Variants in SFI1 observed in about 807,000 individuals in gnomAD.
SFI1 encodes the protein protein SFI1 homolog.
A neutral mutation model predicts 207.5 loss-of-function variants in SFI1; 195 were observed. The observed-to-expected ratio is 0.94, with a 90% CI of 0.84 to 1.06. The LOEUF is 1.06. Ranked by LOEUF, SFI1 falls within the 50% of genes least tolerant of loss-of-function variation. SFI1 has a pLI of 0.00. For synonymous variants in SFI1, 630 were observed against 598.9 expected, an observed-to-expected ratio of 1.05 and a Z score of -0.76; for missense variants, 1,634 against 1,588.0, an observed-to-expected ratio of 1.03 and a Z score of -0.49.
chr22:31,553,656 A>G (rs2060842882), intron 6 of SFI1, among the ~76,000 whole-genome samples: 1 of 149,724 alleles, frequency 6.7e-6, no homozygotes, highest in Non-Finnish European at 1.5e-5. Flanking sequence ...CACAGGGGTG[A>G]GCCACCAAGC....
intron 4 of SFI1, among the ~76,000 whole-genome samples, chr22:31,540,686 G>A (rs1025187406): frequency 2.6e-5 from 4 of 151,496 alleles, no homozygotes; most frequent in Non-Finnish European, 4.4e-5. Context: ...GTTCATGCGA[G>A]TTGCCTGCTT....
chr22:31,552,850 T>TC (rs1312992836), intron 6 of SFI1, among the ~76,000 whole-genome samples: 1 of 150,648 alleles, frequency 6.6e-6, no homozygotes, highest in African/African-American at 2.4e-5. Context: ...ATTAAACTTT[T>TC]TTTTTTTAAA....
At chr22:31,552,841 T>C (rs577580023) in intron 6 of SFI1, among the ~76,000 whole-genome samples, 1 of 151,572 alleles carries the variant, frequency 6.6e-6, no homozygotes, top group South Asian at 2.1e-4. Flanking sequence ...ACATCTGTTA[T>C]TAAACTTTTT....
At chr22:31,518,679 A>T (rs2056839185) in intron 2 of SFI1, among the ~76,000 whole-genome samples, 1 of 152,130 alleles carries the variant, frequency 6.6e-6, no homozygotes, top group African/African-American at 2.4e-5. Flanking sequence ...TGGTGTCTGG[A>T]AACTTAGATT....
chr22:31,614,552 G>T, intron 27 of SFI1: 1 of 688,996 alleles, frequency 1.5e-6, no homozygotes, highest in Non-Finnish European at 2.7e-6. Flanking sequence ...GCGTCACCAG[G>T]GTTGTTCTGC....
chr22:31,525,666 G>A (rs951137381), intron 2 of SFI1, among the ~76,000 whole-genome samples: 1 of 152,088 alleles, frequency 6.6e-6, no homozygotes, highest in African/African-American at 2.4e-5. Flanking sequence ...GCAGTGAGCC[G>A]TGATTGCATC....
intron 10 of SFI1, among the ~76,000 whole-genome samples, chr22:31,576,149 C>T (rs1369258923): frequency 3.3e-5 from 5 of 151,322 alleles, no homozygotes; most frequent in African/African-American, 7.3e-5. Flanking sequence ...CTTAGCCTCA[C>T]GAGTAGCTGG....
intron 2 of SFI1, 47 bp from the exon 3 acceptor site, chr22:31,528,643 A>C: frequency 6.5e-7 from 1 of 1,543,348 alleles, no homozygotes; most frequent in Non-Finnish European, 8.9e-7. Context: ...CATCACATGC[A>C]GAGATAACTT....
At chr22:31,507,318 C>G (rs751218145) in intron 1 of SFI1, among the ~76,000 whole-genome samples, 2 of 152,130 alleles carry the variant, frequency 1.3e-5, no homozygotes, top group Non-Finnish European at 2.9e-5. Flanking sequence ...AATATTGAAG[C>G]TGGACCCCTT....
chr22:31,618,385 CCG>C lies in SFI1; in HGVS notation c.3698_3699del (p.Arg1233HisfsTer50). On this transcript the variant is annotated frameshift_variant, in exon 33 of 33. Coordinates refer to ENST00000400288, the MANE Select transcript of SFI1 (RefSeq NM_001007467.3). LOFTEE classifies it high-confidence loss of function. ...QRQPIGACVA[R>X]IQALRQALC Reference sequence around the variant, plus strand: ...GCCAGCCCATTGGCGCCTGCGTTGCCCGCATCCAGGCCCTGCGGCAGGCCCTG... The same window carrying C: ...GCCAGCCCATTGGCGCCTGCGTTGCCCATCCAGGCCCTGCGGCAGGCCCTG... 2 of 1,604,058 alleles carry C rather than the reference CCG, an allele frequency of 1.2e-6. No homozygotes were observed. Among genetic ancestry groups the C allele is most frequent in the Non-Finnish European group, 1.7e-6 (2 of 1,174,140 alleles).
chr22:31,568,372 CA>C (rs573751056), intron 8 of SFI1, among the ~76,000 whole-genome samples: 4 of 149,810 alleles, frequency 2.7e-5, no homozygotes, highest in African/African-American at 9.8e-5. Context: ...ACTAAACATA[CA>C]AAAAAATTAG....
At chr22:31,602,571 G>C (rs2068292401) in intron 16 of SFI1, 36 bp from the exon 17 acceptor site, 3 of 1,608,300 alleles carry the variant, frequency 1.9e-6, no homozygotes, top group Non-Finnish European at 2.6e-6. Context: ...TCTCCTACTT[G>C]ATTTATTCTG....
In SFI1 at chr22:31,604,375, G is replaced by GTT; in HGVS notation, c.1949_1950insTT (p.Leu651CysfsTer10). The stretch of plus-strand genomic sequence containing the variant: ...AGCAGACCTGCACCACCAGCACAGC[G>GTT]TGCTGCACAGGGCGCTGCAGGCATG... On this transcript the variant is annotated frameshift_variant, in exon 19 of 33. Coordinates refer to ENST00000400288, the MANE Select transcript of SFI1 (RefSeq NM_001007467.3). LOFTEE classifies it high-confidence loss of function. The GTT allele has an allele frequency of 6.4e-7, 1 of 1,569,744 alleles. No individual in the cohort carries two copies. Among genetic ancestry groups the GTT allele is most frequent in the Admixed American group, 1.9e-5 (1 of 53,922 alleles).
chr22:31,583,811 G>A (rs1233469772), intron 12 of SFI1, 64 bp from the exon 13 acceptor site: 3 of 1,426,994 alleles, frequency 2.1e-6, no homozygotes, highest in East Asian at 2.3e-5. Flanking sequence ...GTCTGTTGGA[G>A]TAAGGATTCA....
At chr22:31,585,712 A>C (rs2064946489) in intron 14 of SFI1, among the ~76,000 whole-genome samples, 1 of 152,212 alleles carries the variant, frequency 6.6e-6, no homozygotes, top group Non-Finnish European at 1.5e-5. Context: ...CTTTAGCACC[A>C]GGGTGACAAA....
intron 2 of SFI1, among the ~76,000 whole-genome samples, chr22:31,514,001 G>A (rs1322843090): frequency 6.6e-6 from 1 of 151,858 alleles, no homozygotes. Flanking sequence ...TGGCATGGTG[G>A]CATGCTACTA....
intron 21 of SFI1, 21 bp from the exon 22 acceptor site, chr22:31,607,916 G>A: frequency 6.2e-7 from 1 of 1,611,274 alleles, no homozygotes; most frequent in Non-Finnish European, 8.5e-7. Flanking sequence ...GACTCTTGCT[G>A]TGCTCCTTGC....
intron 15 of SFI1, among the ~76,000 whole-genome samples, chr22:31,592,785 G>T (rs1300109569): frequency 7.6e-6 from 1 of 130,986 alleles, no homozygotes; most frequent in Admixed American, 7.1e-5. Flanking sequence ...CCTCCCAGAC[G>T]GGGCGGCTGG....
intron 15 of SFI1, among the ~76,000 whole-genome samples, chr22:31,593,164 T>G (rs1354934444): frequency 2.9e-5 from 4 of 136,248 alleles, no homozygotes; most frequent in Non-Finnish European, 4.8e-5. Flanking sequence ...CCGGACGGGG[T>G]GGCTGCCGGG....
Sources: gnomAD v4.1 joint callset for allele counts (sites outside exome capture counted in the v4.1 genomes callset) on GRCh38, gnomAD v4.1.1 for gene constraint, MANE v1.5 for transcripts, NCBI Gene and HGNC (gene_info 2026-07-23, HGNC 2026-07-21) for gene names.